The following SLC25A21 variants were observed in gnomAD, a reference collection of about 807,000 sequenced individuals.
SLC25A21 encodes solute carrier family 25 member 21.
A neutral mutation model predicts 43.8 loss-of-function variants in SLC25A21; 47 were observed. That is an observed-to-expected ratio of 1.07 (90% CI 0.85 to 1.37). The LOEUF is 1.37. Among genes scored for constraint, SLC25A21 ranks in the 40% most tolerant of loss-of-function variants. SLC25A21 has a pLI of 0.00. For synonymous variants in SLC25A21, 131 were observed against 121.3 expected (o/e 1.08, Z -0.52); for missense variants, 352 against 350.2 (o/e 1.00, Z -0.04).
chr14:36,994,749 C>A (rs1960335958), intron 1 of SLC25A21, among the ~76,000 whole-genome samples: 1 of 152,104 alleles, frequency 6.6e-6, no homozygotes, highest in African/African-American at 2.4e-5. Flanking sequence ...TCTAACAACA[C>A]CTCTTCCATC....
intron 1 of SLC25A21, among the ~76,000 whole-genome samples, chr14:37,046,179 T>A (rs1206586565): frequency 6.6e-6 from 1 of 152,004 alleles, no homozygotes; most frequent in East Asian, 1.9e-4. Context: ...GCCTCAAGGG[T>A]TCTTGCTCTT....
intron 1 of SLC25A21, among the ~76,000 whole-genome samples, chr14:37,120,889 C>T (rs920143861): frequency 6.6e-6 from 1 of 152,092 alleles, no homozygotes; most frequent in Non-Finnish European, 1.5e-5. Context: ...ATAAGTACTG[C>T]CAGCCACATC....
At chr14:36,780,470 C>A (rs963853130) in intron 3 of SLC25A21, among the ~76,000 whole-genome samples, 1 of 151,986 alleles carries the variant, frequency 6.6e-6, no homozygotes, top group Non-Finnish European at 1.5e-5. Context: ...GCATTTATTG[C>A]TATAAAATTC....
intron 2 of SLC25A21, among the ~76,000 whole-genome samples, chr14:36,864,580 T>G (rs1199409818): frequency 6.6e-6 from 1 of 152,248 alleles, no homozygotes. Context: ...ATTATGGTCA[T>G]GCACCTTCAA....
chr14:37,019,345 G>A (rs2138751269), intron 1 of SLC25A21, among the ~76,000 whole-genome samples: 1 of 151,554 alleles, frequency 6.6e-6, no homozygotes, highest in South Asian at 2.1e-4. Context: ...TTATATTTTT[G>A]GTCTCATTTT....
chr14:36,903,008 CT>C (rs1436803608), intron 1 of SLC25A21, among the ~76,000 whole-genome samples: 2 of 152,106 alleles, frequency 1.3e-5, no homozygotes, highest in African/African-American at 4.8e-5. Context: ...ACAAACCTGA[CT>C]CACTGAGCTT....
At chr14:36,990,543 G>A (rs1018722712) in intron 1 of SLC25A21, among the ~76,000 whole-genome samples, 14 of 151,998 alleles carry the variant, frequency 9.2e-5, no homozygotes, top group Non-Finnish European at 1.6e-4. Flanking sequence ...TCACTGCCAT[G>A]GCTACTTTCC....
chr14:37,148,162 T>C (rs1216347016), intron 1 of SLC25A21, among the ~76,000 whole-genome samples: 1 of 152,130 alleles, frequency 6.6e-6, no homozygotes, highest in Non-Finnish European at 1.5e-5. Flanking sequence ...GTATTTTGCT[T>C]ATATGTTTTT....
At chr14:37,063,584 T>A (rs117566755) in intron 1 of SLC25A21, among the ~76,000 whole-genome samples, 1 of 151,556 alleles carries the variant, frequency 6.6e-6, no homozygotes, top group African/African-American at 2.4e-5. Flanking sequence ...CTGAGGTGCA[T>A]GTTGTGGAGG....
intron 1 of SLC25A21, among the ~76,000 whole-genome samples, chr14:36,876,715 G>A (rs535100373): frequency 6.6e-6 from 1 of 152,082 alleles, no homozygotes; most frequent in East Asian, 1.9e-4. Context: ...TACCCATGAT[G>A]ATACCAGTTC....
chr14:36,744,339 CAGAT>C (rs1885403681), intron 3 of SLC25A21, among the ~76,000 whole-genome samples: 1 of 152,034 alleles, frequency 6.6e-6, no homozygotes, highest in African/African-American at 2.4e-5. Context: ...CAAAAACAGA[CAGAT>C]AGATCAATGG....
chr14:37,054,194 A>G (rs1308613556), intron 1 of SLC25A21, among the ~76,000 whole-genome samples: 2 of 152,184 alleles, frequency 1.3e-5, no homozygotes, highest in African/African-American at 4.8e-5. Flanking sequence ...AGATAGTTCT[A>G]GTTGATAGTC....
chr14:36,693,501 T>C (rs1416333555), intron 7 of SLC25A21, among the ~76,000 whole-genome samples: 2 of 152,200 alleles, frequency 1.3e-5, no homozygotes, highest in Non-Finnish European at 2.9e-5. Flanking sequence ...TTAAGCATAG[T>C]GAATGTAAAA....
At chr14:37,009,013 G>A (rs1341321750) in intron 1 of SLC25A21, among the ~76,000 whole-genome samples, 3 of 152,040 alleles carry the variant, frequency 2.0e-5, no homozygotes, top group Non-Finnish European at 4.4e-5. Flanking sequence ...AGGAATCCGG[G>A]GTCCCAGGTA....
chr14:36,879,619 G>A (rs1890650970), intron 1 of SLC25A21, among the ~76,000 whole-genome samples: 1 of 152,036 alleles, frequency 6.6e-6, no homozygotes, highest in African/African-American at 2.4e-5. Flanking sequence ...GGATGCCCTG[G>A]CCCTTGAACT....
chr14:37,086,842 T>C (rs1962495761), intron 1 of SLC25A21, among the ~76,000 whole-genome samples: 1 of 152,222 alleles, frequency 6.6e-6, no homozygotes, highest in African/African-American at 2.4e-5. Flanking sequence ...TTAGTCTTAG[T>C]TATCATAATA....
chr14:36,938,925 A>C (rs567362223), intron 1 of SLC25A21, among the ~76,000 whole-genome samples: 15 of 152,186 alleles, frequency 9.9e-5, no homozygotes, highest in African/African-American at 3.6e-4. Flanking sequence ...TTCAGATTTA[A>C]CTCTCTTATG....
intron 6 of SLC25A21, among the ~76,000 whole-genome samples, chr14:36,712,819 T>G (rs546469500): frequency 6.6e-6 from 1 of 152,252 alleles, no homozygotes; most frequent in Non-Finnish European, 1.5e-5. Flanking sequence ...TAAAGTTTAC[T>G]TTCTGTTTGA....
At chr14:36,993,823 T>A (rs1960315113) in intron 1 of SLC25A21, among the ~76,000 whole-genome samples, 1 of 152,160 alleles carries the variant, frequency 6.6e-6, no homozygotes, top group African/African-American at 2.4e-5. Flanking sequence ...ATCCCTTAAA[T>A]GTGGCCACTT....
Sources: allele counts gnomAD v4.1 joint callset (sites outside exome capture counted in the v4.1 genomes callset), GRCh38; gene constraint gnomAD v4.1.1; transcripts MANE v1.5; gene names NCBI Gene and HGNC (gene_info 2026-07-23, HGNC 2026-07-21).